Variants in ZNF704 observed in about 807,000 individuals in gnomAD.
The protein encoded by ZNF704 is glucocorticoid induced gene 1.
ZNF704 carries 10 observed loss-of-function variants against 44.7 expected under a neutral mutation model. That is an observed-to-expected ratio of 0.22 (90% CI 0.14 to 0.38). The LOEUF (loss-of-function observed/expected upper bound fraction) is 0.38. Ranked by LOEUF, ZNF704 falls within the 10% of genes least tolerant of loss-of-function variation. The pLI is 1.00. For missense variants in ZNF704, 390 were observed against 545.5 expected (o/e 0.71, Z 2.84); for synonymous variants, 211 against 207.6 (o/e 1.02, Z -0.14).
intron 2 of ZNF704, among the ~76,000 whole-genome samples, chr8:80,702,506 T>C (rs1475847350): frequency 6.6e-6 from 1 of 152,116 alleles, no homozygotes; most frequent in Non-Finnish European, 1.5e-5. Context: ...ACTAGCCCTA[T>C]GCCAGGTTTT....
At chr8:80,666,115 GC>G (rs1364539410) in intron 5 of ZNF704, among the ~76,000 whole-genome samples, 2 of 95,324 alleles carry the variant, frequency 2.1e-5, no homozygotes, top group African/African-American at 8.8e-5. Context: ...CCCTTCCCCC[GC>G]CCCCCACCCC....
intron 5 of ZNF704, among the ~76,000 whole-genome samples, chr8:80,666,082 T>C (rs1818188359): frequency 6.6e-6 from 1 of 151,660 alleles, no homozygotes; most frequent in African/African-American, 2.4e-5. Context: ...TCATCTAGCA[T>C]TAGGTATATC....
intron 2 of ZNF704, among the ~76,000 whole-genome samples, chr8:80,765,370 C>T (rs1807211306): frequency 6.6e-6 from 1 of 152,154 alleles, no homozygotes; most frequent in Non-Finnish European, 1.5e-5. Flanking sequence ...CTCACATACA[C>T]ACCCCAAATC....
At chr8:80,827,114 A>T (rs1034532858) in intron 1 of ZNF704, among the ~76,000 whole-genome samples, 2 of 152,220 alleles carry the variant, frequency 1.3e-5, no homozygotes, top group African/African-American at 4.8e-5. Flanking sequence ...GCATTCAATT[A>T]GGAAAAGAGG....
chr8:80,865,781 T>A (rs1325865795), intron 1 of ZNF704, among the ~76,000 whole-genome samples: 1 of 152,138 alleles, frequency 6.6e-6, no homozygotes, highest in Non-Finnish European at 1.5e-5. Flanking sequence ...CTCTACTACT[T>A]CTTTGCTCCT....
At chr8:80,861,671 C>G (rs567790118) in intron 1 of ZNF704, among the ~76,000 whole-genome samples, 1 of 151,912 alleles carries the variant, frequency 6.6e-6, no homozygotes, top group Non-Finnish European at 1.5e-5. Context: ...TCCCAGTCAC[C>G]TTCCCTTCTC....
At chr8:80,781,120 C>T (rs562518629) in intron 2 of ZNF704, among the ~76,000 whole-genome samples, 8 of 152,278 alleles carry the variant, frequency 5.3e-5, no homozygotes, top group African/African-American at 1.9e-4. Flanking sequence ...TCTCACTGTT[C>T]GCCTAGGGGT....
At chr8:80,802,194 CAAAA>C (rs748625927) in intron 2 of ZNF704, among the ~76,000 whole-genome samples, 1 of 82,516 alleles carries the variant, frequency 1.2e-5, no homozygotes, top group African/African-American at 4.7e-5. Context: ...GCCTACCAAC[CAAAA>C]AAAAAAAAAA....
At chr8:80,811,602 C>T (rs547226581) in intron 2 of ZNF704, among the ~76,000 whole-genome samples, 2 of 152,102 alleles carry the variant, frequency 1.3e-5, no homozygotes, top group Non-Finnish European at 2.9e-5. Context: ...TAGTGGCTAT[C>T]GAAAATACCA....
chr8:80,659,065 TATGTACTACTTAA>T (rs1455157800), intron 7 of ZNF704, among the ~76,000 whole-genome samples: 1 of 152,242 alleles, frequency 6.6e-6, no homozygotes, highest in Non-Finnish European at 1.5e-5. Flanking sequence ...AATCAATTCT[TATGTACTACTTAA>T]GTCTGATTGC....
intron 1 of ZNF704, among the ~76,000 whole-genome samples, chr8:80,869,229 G>A (rs535694232): frequency 8.5e-5 from 13 of 152,274 alleles, no homozygotes; most frequent in African/African-American, 2.6e-4. Context: ...TATGCATGAG[G>A]CCATGGAATA....
chr8:80,835,534 G>A (rs936763683), intron 1 of ZNF704, among the ~76,000 whole-genome samples: 12 of 152,158 alleles, frequency 7.9e-5, no homozygotes, highest in African/African-American at 2.9e-4. Context: ...GAGGGGACGA[G>A]TCAGTTACAT....
chr8:80,794,802 T>A (rs924139981), intron 2 of ZNF704, among the ~76,000 whole-genome samples: 2 of 152,158 alleles, frequency 1.3e-5, no homozygotes, highest in Non-Finnish European at 2.9e-5. Context: ...ATGTGTAAAA[T>A]GACAAAATTG....
chr8:80,840,027 T>C (rs904551129), intron 1 of ZNF704, among the ~76,000 whole-genome samples: 2 of 152,206 alleles, frequency 1.3e-5, no homozygotes, highest in Non-Finnish European at 2.9e-5. Flanking sequence ...CAGTTTTGAA[T>C]CCCAGGCACC....
At chr8:80,814,900 T>C (rs1178954065) in intron 2 of ZNF704, among the ~76,000 whole-genome samples, 2 of 152,182 alleles carry the variant, frequency 1.3e-5, no homozygotes, top group Admixed American at 6.5e-5. Flanking sequence ...TCTCACTTAA[T>C]TACAAATTTG....
chr8:80,853,557 A>C (rs1391844513), intron 1 of ZNF704, among the ~76,000 whole-genome samples: 3 of 152,204 alleles, frequency 2.0e-5, no homozygotes. Flanking sequence ...GAGGAAAAAA[A>C]AATTAAAAAA....
chr8:80,667,108 G>A (rs1019780653), intron 5 of ZNF704, among the ~76,000 whole-genome samples: 3 of 152,168 alleles, frequency 2.0e-5, no homozygotes, highest in Admixed American at 2.0e-4. Context: ...GAACACACCA[G>A]GGAGAAGTGA....
chr8:80,842,249 C>G (rs1166537947), intron 1 of ZNF704, among the ~76,000 whole-genome samples: 1 of 152,188 alleles, frequency 6.6e-6, no homozygotes, highest in Non-Finnish European at 1.5e-5. Flanking sequence ...TTTAACCTCT[C>G]TGCACTTCAA....
intron 1 of ZNF704, among the ~76,000 whole-genome samples, chr8:80,866,385 C>G (rs1474697261): frequency 6.6e-6 from 1 of 152,154 alleles, no homozygotes; most frequent in East Asian, 1.9e-4. Flanking sequence ...ACCTGGTAAA[C>G]AGTGGGGCTC....
Sources: gnomAD v4.1 joint callset for allele counts (sites outside exome capture counted in the v4.1 genomes callset) on GRCh38, gnomAD v4.1.1 for gene constraint, MANE v1.5 for transcripts, NCBI Gene and HGNC (gene_info 2026-07-23, HGNC 2026-07-21) for gene names.